Variants in SRGAP2C observed in about 807,000 individuals in gnomAD.
SRGAP2C encodes the protein SLIT-ROBO Rho GTPase activating protein 2C.
Under a neutral mutation model 25.1 loss-of-function variants are expected in SRGAP2C, and 15 were observed. The ratio of observed to expected loss-of-function variants is 0.60; its 90% confidence interval spans 0.40 to 0.92. SRGAP2C has a LOEUF of 0.92. SRGAP2C is among the 40% of genes least tolerant of loss of function. SRGAP2C has a pLI of 0.00. For synonymous variants in SRGAP2C, 44 were observed against 96.6 expected, an observed-to-expected ratio of 0.46 and a Z score of 3.19; for missense variants, 144 against 264.4, an observed-to-expected ratio of 0.54 and a Z score of 3.16.
chr1:121,372,390 A>G (rs1460157921), intron 5 of SRGAP2C, among the ~76,000 whole-genome samples: 2 of 150,874 alleles, frequency 1.3e-5, no homozygotes, highest in Non-Finnish European at 1.5e-5. Flanking sequence ...TAACTACTAG[A>G]TGCCAGTAGC....
chr1:121,230,766 C>A (rs1655795826), intron 2 of SRGAP2C, among the ~76,000 whole-genome samples: 1 of 151,702 alleles, frequency 6.6e-6, no homozygotes, highest in African/African-American at 2.4e-5. Flanking sequence ...TTCACAATAA[C>A]AAAGACTTGG....
rs1484602342 is a variant in SRGAP2C at position 121,391,157 on chromosome 1, G to A, written c.*3302G>A. The A allele has an allele frequency of 6.6e-6, 1 of 151,980 alleles. No homozygotes were observed. Among genetic ancestry groups the A allele is most frequent in the African/African-American group, 2.4e-5 (1 of 41,382 alleles). The allele number at this position is 151,980 out of a possible 1,614,324, so 9.4% of individuals were successfully genotyped here. A position where few individuals can be genotyped will look rare whatever the true frequency, so the allele number is the denominator to read the frequency against. ...GTGGATCACCTGAGGTCGGGAGTTT[G>A]AGACCAGCCTGATCAACATGGAGAA... is the stretch of plus-strand genomic sequence containing the variant. On this transcript the variant is annotated 3_prime_UTR_variant, in exon 10 of 10. Transcript: ENST00000367123.
rs1276210442 is a variant in SRGAP2C, at chr1:121,295,986, C to T, written c.260+10991C>T. On this transcript the variant is annotated intron_variant, in intron 3 of 9. Coordinates refer to ENST00000367123, the MANE Select transcript of SRGAP2C (RefSeq NM_001329984.2). ...ATGTTGGTCAGGTTGGTCTTGAACT[C>T]CTGACCTCAGGTGATCCGCACACCT... is the stretch of plus-strand genomic sequence containing the variant. 2.6e-5 allele frequency among the ~76,000 whole-genome samples: 4 copies of T among 151,908 alleles called. No homozygotes were observed. In the South Asian group the frequency reaches 8.4e-4, roughly 32 times the overall value.
intron 3 of SRGAP2C, among the ~76,000 whole-genome samples, chr1:121,304,973 C>T (rs1363558845): frequency 1.3e-5 from 2 of 152,144 alleles, no homozygotes; most frequent in East Asian, 1.9e-4. Context: ...GTGAGAGACC[C>T]ATGTATCCAT....
At chr1:121,322,154 C>A (rs1401178998) in intron 3 of SRGAP2C, among the ~76,000 whole-genome samples, 5 of 149,928 alleles carry the variant, frequency 3.3e-5, no homozygotes, top group African/African-American at 1.0e-4. Flanking sequence ...AATCCATCTT[C>A]TTCCTTAAGA....
intron 2 of SRGAP2C, among the ~76,000 whole-genome samples, chr1:121,191,895 C>CTT (rs1215148646): frequency 0.047 from 4,851 of 102,760 alleles, 342 homozygotes; most frequent in African/African-American, 0.16. Flanking sequence ...GGGGTCTTGT[C>CTT]TTTTTTTTTT....
intron 2 of SRGAP2C, among the ~76,000 whole-genome samples, chr1:121,216,248 A>C (rs1288283975): frequency 3.9e-5 from 6 of 152,048 alleles, no homozygotes; most frequent in Non-Finnish European, 7.4e-5. Context: ...AGAGCTGCTC[A>C]TGTCTGCAAA....
At chr1:121,218,736 G>C (rs1456775495) in intron 2 of SRGAP2C, among the ~76,000 whole-genome samples, 1 of 151,846 alleles carries the variant, frequency 6.6e-6, no homozygotes, top group Non-Finnish European at 1.5e-5. Flanking sequence ...GACAGAGTGA[G>C]ACCCTGTCTC....
chr1:121,299,497 C>T (rs1202751655), intron 3 of SRGAP2C, among the ~76,000 whole-genome samples: 12 of 82,066 alleles, frequency 1.5e-4, no homozygotes, highest in African/African-American at 5.7e-4. Flanking sequence ...TCAATGAGCA[C>T]AGTTCTGCGT....
intron 2 of SRGAP2C, among the ~76,000 whole-genome samples, chr1:121,211,410 TACAC>T (rs1315607546): frequency 9.7e-6 from 1 of 103,284 alleles, no homozygotes; most frequent in African/African-American, 3.6e-5. Flanking sequence ...GATATATATA[TACAC>T]ATACACACAC....
chr1:121,203,265 G>A (rs1398833270), intron 2 of SRGAP2C, among the ~76,000 whole-genome samples: 1 of 152,106 alleles, frequency 6.6e-6, no homozygotes, highest in Non-Finnish European at 1.5e-5. Flanking sequence ...CGAAGGCTAT[G>A]TGGATAAGGA....
At chr1:121,204,675 A>C (rs1234454957) in intron 2 of SRGAP2C, among the ~76,000 whole-genome samples, 1 of 152,238 alleles carries the variant, frequency 6.6e-6, no homozygotes, top group African/African-American at 2.4e-5. Flanking sequence ...GTTGACGATT[A>C]TAGGTTGCAA....
At chr1:121,307,782 G>A (rs1174063266) in intron 3 of SRGAP2C, among the ~76,000 whole-genome samples, 3 of 151,876 alleles carry the variant, frequency 2.0e-5, no homozygotes, top group Admixed American at 6.6e-5. Flanking sequence ...TGTCTCTTAC[G>A]GCCCTTAAGA....
rs1553341952 is a variant in SRGAP2C, at chr1:121,329,135, C to T, written c.423+4495C>T. 3.8e-3 allele frequency among the ~76,000 whole-genome samples: 554 copies of T among 145,934 alleles called. 1 individual carries two copies. The highest frequency in any genetic ancestry group is 7.4e-3 in the Admixed American group (107 of 14,512). On this transcript the variant is annotated intron_variant, in intron 4 of 9. Coordinates refer to ENST00000367123, the MANE Select transcript of SRGAP2C (RefSeq NM_001329984.2). ...TTGAAGCAGGAGAATCTCTTGAACCCGGGAAGTGGAGGTTGCAGTGAGCAG... is the reference window on the plus strand; with the variant it reads ...TTGAAGCAGGAGAATCTCTTGAACCTGGGAAGTGGAGGTTGCAGTGAGCAG...
intron 3 of SRGAP2C, among the ~76,000 whole-genome samples, chr1:121,312,288 T>G (rs1657982264): frequency 2.0e-5 from 1 of 51,234 alleles, no homozygotes; most frequent in Non-Finnish European, 4.0e-5. Context: ...TATCATTTTT[T>G]ATTGTGTCTG....
chr1:121,259,557 T>C (rs1227611130), intron 2 of SRGAP2C, among the ~76,000 whole-genome samples: 72 of 150,344 alleles, frequency 4.8e-4, no homozygotes, highest in Middle Eastern at 6.8e-3. Flanking sequence ...GATATACTTA[T>C]ATGTTTTACA....
intron 2 of SRGAP2C, among the ~76,000 whole-genome samples, chr1:121,190,633 ATAAG>A (rs1289150277): frequency 7.3e-6 from 1 of 136,506 alleles, no homozygotes; most frequent in African/African-American, 2.7e-5. Flanking sequence ...ATGATAGGAA[ATAAG>A]TAAGGAATGA....
intron 2 of SRGAP2C, among the ~76,000 whole-genome samples, chr1:121,238,871 A>G (rs1314365204): frequency 1.5e-5 from 2 of 137,706 alleles, no homozygotes; most frequent in African/African-American, 5.5e-5. Flanking sequence ...AGCCTCACCT[A>G]CCTGGGTTCA....
intron 3 of SRGAP2C, among the ~76,000 whole-genome samples, chr1:121,296,144 T>C (rs1657594422): frequency 6.7e-6 from 1 of 150,134 alleles, no homozygotes; most frequent in African/African-American, 2.5e-5. Context: ...TTTTGGATTT[T>C]AAGTTTAAGG....
Sources: gnomAD v4.1 joint callset for allele counts (sites outside exome capture counted in the v4.1 genomes callset) on GRCh38, gnomAD v4.1.1 for gene constraint, MANE v1.5 for transcripts, NCBI Gene and HGNC (gene_info 2026-07-23, HGNC 2026-07-21) for gene names.